COX16: variants seen among roughly 807,000 people sequenced by gnomAD.
COX16 encodes cytochrome c oxidase assembly protein COX16 homolog, mitochondrial.
Under a neutral mutation model 15.4 loss-of-function variants are expected in COX16, and 12 were observed. The observed-to-expected ratio is 0.78, with a 90% CI of 0.50 to 1.26. The LOEUF (loss-of-function observed/expected upper bound fraction) is 1.26, where lower values mean the gene tolerates loss of function less well. COX16 is among the 50% of genes most tolerant of loss of function. The pLI, the probability that COX16 is intolerant of heterozygous loss-of-function variation, is 0.00. For missense variants in COX16, 124 were observed against 127.6 expected (o/e 0.97, Z 0.14); for synonymous variants, 46 against 41.1 (o/e 1.12, Z -0.46).
chr14:70,357,391 C>G (rs377726525), intron 1 of COX16, among the ~76,000 whole-genome samples: 1 of 152,212 alleles, frequency 6.6e-6, no homozygotes, highest in African/African-American at 2.4e-5. Flanking sequence ...CAACTTATGA[C>G]TAATTTGAAG....
At chr14:70,327,428 A>G (rs1886117511) in intron 3 of COX16, among the ~76,000 whole-genome samples, 1 of 152,208 alleles carries the variant, frequency 6.6e-6, no homozygotes, top group African/African-American at 2.4e-5. Context: ...CAAACTCTTC[A>G]TAGCATCATT....
rs1041023171 is a variant in COX16 at position 70,358,387 on chromosome 14, T to A, written c.69+1132A>T. On this transcript the variant is annotated intron_variant, in intron 1 of 3. Transcript: ENST00000389912. ...AAAACAACAATTTTTTTTTTTTTTT[T>A]TTTTTTTGGAGAGACAGAGGTCTTG... 2.7e-5 allele frequency among the ~76,000 whole-genome samples: 4 copies of A among 146,948 alleles called. No homozygotes were observed. In the East Asian group the frequency reaches 5.8e-4, roughly 21 times the overall value.
chr14:70,336,562 A>T (rs1886462724), intron 2 of COX16, among the ~76,000 whole-genome samples: 1 of 152,252 alleles, frequency 6.6e-6, no homozygotes, highest in Non-Finnish European at 1.5e-5. Context: ...GCATGTATGT[A>T]AAAGGGATAA....
chr14:70,345,260 G>A (rs954920905), intron 1 of COX16, among the ~76,000 whole-genome samples: 6 of 152,242 alleles, frequency 3.9e-5, no homozygotes, highest in Admixed American at 3.3e-4. Context: ...TCTCTGGTCC[G>A]AATATCCAGT....
At chr14:70,332,979 A>AT (rs373759586) in intron 2 of COX16, among the ~76,000 whole-genome samples, 17 of 152,344 alleles carry the variant, frequency 1.1e-4, no homozygotes, top group African/African-American at 3.6e-4. Context: ...TGGAGCCTTC[A>AT]TAAGACTCAC....
intron 3 of COX16, among the ~76,000 whole-genome samples, chr14:70,328,808 T>C (rs1488810904): frequency 7.2e-5 from 11 of 151,940 alleles, no homozygotes; most frequent in Non-Finnish European, 5.9e-5. Flanking sequence ...TATATACTTT[T>C]TTCATTCTTA....
chr14:70,330,337 C>G (rs1886243296), intron 2 of COX16, among the ~76,000 whole-genome samples: 1 of 152,068 alleles, frequency 6.6e-6, no homozygotes, highest in African/African-American at 2.4e-5. Flanking sequence ...GCACAATAGA[C>G]AACCTGAATA....
At chr14:70,334,737 T>C (rs1288102720) in intron 2 of COX16, among the ~76,000 whole-genome samples, 1 of 152,008 alleles carries the variant, frequency 6.6e-6, no homozygotes, top group Non-Finnish European at 1.5e-5. Flanking sequence ...AGCAACAAGT[T>C]AAAATATACT....
chr14:70,353,812 C>A (rs1887043707), intron 1 of COX16, among the ~76,000 whole-genome samples: 1 of 151,900 alleles, frequency 6.6e-6, no homozygotes, highest in African/African-American at 2.4e-5. Context: ...TGCGCCCGGC[C>A]CCTACCTTCC....
intron 2 of COX16, among the ~76,000 whole-genome samples, chr14:70,333,419 C>G (rs1405407639): frequency 1.3e-5 from 2 of 151,948 alleles, no homozygotes; most frequent in Non-Finnish European, 2.9e-5. Context: ...AATCCTGGAG[C>G]TGAAAAATAC....
At chr14:70,326,490 AGAGCCTGTGGCTTTGATTAG>A (rs1376523515) in intron 3 of COX16, 41 bp from the exon 4 acceptor site, 2 of 1,478,600 alleles carry the variant, frequency 1.4e-6, no homozygotes, top group Non-Finnish European at 1.8e-6. Context: ...TATTAGTATA[AGAGCCTGTGGCTTTGATTAG>A]GACACAACTA....
At chr14:70,334,249 G>A (rs553709503) in intron 2 of COX16, among the ~76,000 whole-genome samples, 13 of 152,292 alleles carry the variant, frequency 8.5e-5, no homozygotes, top group South Asian at 2.1e-4. Context: ...GTGGCCAGGC[G>A]CAGTGGCTCA....
chr14:70,332,310 C>T (rs1321503323), intron 2 of COX16, among the ~76,000 whole-genome samples: 1 of 152,230 alleles, frequency 6.6e-6, no homozygotes, highest in Admixed American at 6.5e-5. Context: ...GGAGTATAGG[C>T]CTCCCCTGTG....
chr14:70,332,061 G>A (rs528893239), intron 2 of COX16, among the ~76,000 whole-genome samples: 6 of 152,330 alleles, frequency 3.9e-5, no homozygotes, highest in East Asian at 1.9e-4. Flanking sequence ...GTCCTTCAAC[G>A]GGCTTAGCTA....
chr14:70,356,788 T>C (rs144674561), intron 1 of COX16, among the ~76,000 whole-genome samples: 11 of 152,220 alleles, frequency 7.2e-5, no homozygotes, highest in African/African-American at 2.6e-4. Context: ...TAAAAAATTG[T>C]CAAATAAACT....
chr14:70,354,974 C>A (rs1887084414), intron 1 of COX16, among the ~76,000 whole-genome samples: 1 of 152,096 alleles, frequency 6.6e-6, no homozygotes, highest in African/African-American at 2.4e-5. Flanking sequence ...GACACTGATT[C>A]ATCAATTCTC....
chr14:70,340,757 A>G (rs1278084374), intron 2 of COX16, among the ~76,000 whole-genome samples: 3 of 152,232 alleles, frequency 2.0e-5, no homozygotes, highest in East Asian at 3.8e-4. Flanking sequence ...CATGTGCCCA[A>G]TAATCCCTCT....
At chr14:70,351,656 TTAAAG>T (rs1298913083) in intron 1 of COX16, among the ~76,000 whole-genome samples, 1 of 152,188 alleles carries the variant, frequency 6.6e-6, no homozygotes, top group Non-Finnish European at 1.5e-5. Context: ...GTATTTTAGA[TTAAAG>T]TATATTGTAT....
rs976506655 is a variant in COX16 at position 70,325,107 on chromosome 14, C to T, written c.*1226G>A. 1.3e-5 allele frequency: 2 copies of T among 151,892 alleles called. No individual in the cohort carries two copies. Among genetic ancestry groups the T allele is most frequent in the Admixed American group, 1.3e-4 (2 of 15,244 alleles). The allele number at this position is 151,892 out of a possible 1,614,324, so 9.4% of individuals were successfully genotyped here. A position where few individuals can be genotyped will look rare whatever the true frequency, so the allele number is the denominator to read the frequency against. ...CAACTTAATTTACTTTTTATTAAAA[C>T]CAACCTGCTGAAAAGAATACAAATT... On this transcript the variant is annotated 3_prime_UTR_variant, in exon 4 of 4. Coordinates refer to ENST00000389912, the MANE Select transcript of COX16 (RefSeq NM_016468.7).
Sources: allele counts gnomAD v4.1 joint callset (sites outside exome capture counted in the v4.1 genomes callset), GRCh38; gene constraint gnomAD v4.1.1; transcripts MANE v1.5; gene names NCBI Gene and HGNC (gene_info 2026-07-23, HGNC 2026-07-21).